The following ASIC2 variants were observed in gnomAD, a reference collection of about 807,000 sequenced individuals.
ASIC2 encodes acid-sensing ion channel 2.
A neutral mutation model predicts 57.3 loss-of-function variants in ASIC2; 25 were observed. The ratio of observed to expected loss-of-function variants is 0.44; its 90% confidence interval spans 0.32 to 0.61. The LOEUF (loss-of-function observed/expected upper bound fraction) is 0.61. Among genes scored for constraint, ASIC2 ranks in the 20% least tolerant of loss-of-function variants. The pLI is 0.06. For synonymous variants in ASIC2, 319 were observed against 307.5 expected (o/e 1.04, Z -0.39); for missense variants, 641 against 738.1 (o/e 0.87, Z 1.52).
intron 1 of ASIC2, among the ~76,000 whole-genome samples, chr17:33,445,813 A>T (rs1025026091): frequency 1.9e-4 from 28 of 145,334 alleles, no homozygotes; most frequent in African/African-American, 7.1e-4. Flanking sequence ...AAAAAAAAAA[A>T]AAATGGGGAT....
At chr17:33,611,385 C>T (rs1214122052) in intron 1 of ASIC2, among the ~76,000 whole-genome samples, 2 of 152,200 alleles carry the variant, frequency 1.3e-5, no homozygotes, top group Non-Finnish European at 2.9e-5. Context: ...CTTCAATAAC[C>T]CTGGGATCCA....
intron 1 of ASIC2, among the ~76,000 whole-genome samples, chr17:33,158,649 C>T (rs1354659433): frequency 1.3e-5 from 2 of 152,232 alleles, no homozygotes; most frequent in Non-Finnish European, 2.9e-5. Flanking sequence ...GGCTGTGGAG[C>T]CAAACTGTCT....
At chr17:33,771,624 C>A (rs112523162) in intron 1 of ASIC2, among the ~76,000 whole-genome samples, 3,616 of 152,212 alleles carry the variant, frequency 0.024, 161 homozygotes, top group African/African-American at 0.082. Flanking sequence ...CACAGGCCTG[C>A]AGGGCCTTTT....
chr17:33,578,671 T>C (rs557372336), intron 1 of ASIC2, among the ~76,000 whole-genome samples: 3 of 151,766 alleles, frequency 2.0e-5, no homozygotes, highest in Admixed American at 6.6e-5. Flanking sequence ...TTTACTTCAC[T>C]CCCCCCTCCT....
chr17:33,674,809 T>C (rs762215337), intron 1 of ASIC2, among the ~76,000 whole-genome samples: 2 of 152,184 alleles, frequency 1.3e-5, no homozygotes, highest in South Asian at 2.1e-4. Flanking sequence ...CGGCCGAATG[T>C]AGTGTAGCAC....
chr17:33,503,059 C>G (rs1341665091), intron 1 of ASIC2, among the ~76,000 whole-genome samples: 1 of 152,162 alleles, frequency 6.6e-6, no homozygotes, highest in Non-Finnish European at 1.5e-5. Context: ...AGTCCTGATG[C>G]CTCCCTGGGC....
intron 1 of ASIC2, among the ~76,000 whole-genome samples, chr17:33,276,710 G>C (rs1433396700): frequency 6.6e-6 from 1 of 152,196 alleles, no homozygotes; most frequent in Admixed American, 6.5e-5. Flanking sequence ...AAAGACAAAG[G>C]AAAGAGTTAA....
At chr17:33,515,339 G>T (rs1369711966) in intron 1 of ASIC2, among the ~76,000 whole-genome samples, 1 of 152,166 alleles carries the variant, frequency 6.6e-6, no homozygotes, top group African/African-American at 2.4e-5. Context: ...GGGCGCTCAG[G>T]TGGGCCTCAG....
intron 1 of ASIC2, among the ~76,000 whole-genome samples, chr17:33,407,272 G>A (rs112684965): frequency 5.9e-4 from 90 of 152,304 alleles, no homozygotes; most frequent in African/African-American, 2.1e-3. Flanking sequence ...ATAATAACTG[G>A]CTGATCTGGG....
intron 1 of ASIC2, among the ~76,000 whole-genome samples, chr17:33,324,867 C>A (rs1353271054): frequency 6.6e-6 from 1 of 152,218 alleles, no homozygotes; most frequent in Non-Finnish European, 1.5e-5. Context: ...CTTCTCACTC[C>A]ATTCACCAGG....
intron 1 of ASIC2, among the ~76,000 whole-genome samples, chr17:33,835,452 C>T (rs1393275568): frequency 6.6e-6 from 1 of 152,152 alleles, no homozygotes; most frequent in Non-Finnish European, 1.5e-5. Context: ...CTGATAAACC[C>T]CAGGTCATCT....
chr17:33,734,747 A>G (rs1909858953), intron 1 of ASIC2, among the ~76,000 whole-genome samples: 1 of 152,212 alleles, frequency 6.6e-6, no homozygotes, highest in South Asian at 2.1e-4. Context: ...CTGTGCACAC[A>G]GAGAAAAGAC....
intron 1 of ASIC2, among the ~76,000 whole-genome samples, chr17:33,138,489 T>C (rs982973329): frequency 3.4e-4 from 52 of 152,348 alleles, no homozygotes; most frequent in African/African-American, 1.1e-3. Context: ...TTGCTCACTA[T>C]TGAGACCTTC....
intron 1 of ASIC2, among the ~76,000 whole-genome samples, chr17:33,534,820 C>T (rs1404406591): frequency 6.6e-6 from 1 of 152,196 alleles, no homozygotes; most frequent in African/African-American, 2.4e-5. Context: ...TGGCCTCATT[C>T]TCTGTGTATG....
At chr17:33,674,519 T>C (rs1027357661) in intron 1 of ASIC2, among the ~76,000 whole-genome samples, 1 of 152,256 alleles carries the variant, frequency 6.6e-6, no homozygotes, top group Non-Finnish European at 1.5e-5. Context: ...TAGCACTTGC[T>C]CTGTGTCAGA....
chr17:33,999,569 G>A (rs528236950), intron 1 of ASIC2, among the ~76,000 whole-genome samples: 31 of 152,148 alleles, frequency 2.0e-4, no homozygotes, highest in African/African-American at 4.1e-4. Flanking sequence ...TAAGTCTTAC[G>A]CAAAATAGCT....
chr17:33,452,755 G>GTGTGTGTC (rs1912302424), intron 1 of ASIC2, among the ~76,000 whole-genome samples: 1 of 151,382 alleles, frequency 6.6e-6, no homozygotes, highest in Non-Finnish European at 1.5e-5. Context: ...GTGTGTGTGT[G>GTGTGTGTC]TGTGTGTGTG....
chr17:33,564,089 TGAG>T (rs1171239427), intron 1 of ASIC2, among the ~76,000 whole-genome samples: 2 of 152,172 alleles, frequency 1.3e-5, no homozygotes, highest in African/African-American at 4.8e-5. Flanking sequence ...GCAGCCCCCC[TGAG>T]GAGGTGAGGC....
chr17:33,896,291 C>T (rs778901388), intron 1 of ASIC2, among the ~76,000 whole-genome samples: 1 of 152,232 alleles, frequency 6.6e-6, no homozygotes, highest in Non-Finnish European at 1.5e-5. Flanking sequence ...TCTTGCAAGA[C>T]AGTGCAGAAA....
Sources: allele counts gnomAD v4.1 joint callset (sites outside exome capture counted in the v4.1 genomes callset), GRCh38; gene constraint gnomAD v4.1.1; transcripts MANE v1.5; gene names NCBI Gene and HGNC (gene_info 2026-07-23, HGNC 2026-07-21).